MRGPRE: variants seen among roughly 807,000 people sequenced by gnomAD.
MRGPRE encodes the protein mas-related G protein-coupled receptor member E.
For synonymous variants in MRGPRE, 229 were observed against 206.7 expected, an observed-to-expected ratio of 1.11 and a Z score of -0.92; for missense variants, 466 against 433.4, an observed-to-expected ratio of 1.08 and a Z score of -0.67.
chr11:3,230,488 C>G lies in MRGPRE; in HGVS notation c.-61-1628G>C. Among the ~76,000 whole-genome samples the G allele has an allele frequency of 6.6e-6, 1 of 152,066 alleles. No individual in the cohort carries two copies. Among genetic ancestry groups the G allele is most frequent in the Non-Finnish European group, 1.5e-5 (1 of 68,000 alleles). On this transcript the variant is annotated intron_variant, in intron 1 of 1. Transcript: ENST00000389832. This position sits in a 1 kb window ranked among gnomAD's most constrained non-coding sequence, Gnocchi z 5.5. ...TGCTGGGATGCTGGGGAGAGGTGGCCCGGGGCGGGGCTATCGCTGAGCACA... is the reference window on the plus strand; with the variant it reads ...TGCTGGGATGCTGGGGAGAGGTGGCGCGGGGCGGGGCTATCGCTGAGCACA...
rs2134631037 is a variant in MRGPRE, at chr11:3,229,238, T to G, written c.-61-378A>C. On this transcript the variant is annotated intron_variant, in intron 1 of 1. Transcript: ENST00000389832. The surrounding 1 kb of genome is among the most constrained non-coding windows in gnomAD (Gnocchi z 4.4). Reference sequence around the variant, plus strand: ...TTTTTTTTTTTTTTTTTTTTTTTTTTTTTGGAGATGGAGTCTGGCTCTGTT... The same window carrying G: ...TTTTTTTTTTTTTTTTTTTTTTTTTGTTTGGAGATGGAGTCTGGCTCTGTT... Among the ~76,000 whole-genome samples the G allele has an allele frequency of 8.3e-6, 1 of 120,610 alleles. No homozygotes were observed. Among genetic ancestry groups the G allele is most frequent in the Non-Finnish European group, 1.8e-5 (1 of 55,672 alleles). 79.1% of individuals were successfully genotyped at this position (120,610 alleles called of 152,430 possible).
Position 3,227,774 on chromosome 11 carries a change from G to A in MRGPRE, c.*87C>T. On this transcript the variant is annotated 3_prime_UTR_variant, in exon 2 of 2. Transcript: ENST00000389832. ...CCCACCAAGGCCTCCTCCAGGTCCG[G>A]CTGGCCCCAGCCTCTGACCCCACCA... The A allele has an allele frequency of 8.8e-7, 1 of 1,130,022 alleles. No individual in the cohort carries two copies. Among genetic ancestry groups the A allele is most frequent in the East Asian group, 2.6e-5 (1 of 37,756 alleles). 70.0% of individuals were successfully genotyped at this position (1,130,022 alleles called of 1,614,324 possible). A position where few individuals can be genotyped will look rare whatever the true frequency, so the allele number is the denominator to read the frequency against.
chr11:3,229,457 C>T lies in MRGPRE; in HGVS notation c.-61-597G>A, dbSNP rs1176482554. On this transcript the variant is annotated intron_variant, in intron 1 of 1. Coordinates refer to ENST00000389832, the MANE Select transcript of MRGPRE (RefSeq NM_001039165.4). The surrounding 1 kb of genome is among the most constrained non-coding windows in gnomAD (Gnocchi z 4.4). ...GGCCAGGCTGGTCTCGAACTCCTGACCTCGTGATCCGCCTGCCTTGGACTC... is the reference window on the plus strand; with the variant it reads ...GGCCAGGCTGGTCTCGAACTCCTGATCTCGTGATCCGCCTGCCTTGGACTC... 2.0e-5 allele frequency among the ~76,000 whole-genome samples: 3 copies of T among 152,244 alleles called. No homozygotes were observed. The highest frequency in any genetic ancestry group is 4.2e-4 in the South Asian group (2 of 4,814).
Position 3,227,984 on chromosome 11 carries a change from C to T in MRGPRE, c.816G>A (p.Leu272=). The stretch of plus-strand genomic sequence containing the variant: ...GCAGCCTGCGGCCCTGGGCACTGCC[C>T]AGGCAGAAGTAGACGACGGGCTTGG... ...CAAKPVVYFC[L]GSAQGRRLPL... The change falls in exon 2 of 2, where the codon CTG becomes CTA. Residue 272 remains leucine (L), a synonymous_variant. Coordinates refer to ENST00000389832, the MANE Select transcript of MRGPRE (RefSeq NM_001039165.4). 2 of 1,596,974 alleles carry T rather than the reference C, an allele frequency of 1.3e-6. No individual in the cohort carries two copies. Among genetic ancestry groups the T allele is most frequent in the Non-Finnish European group, 8.5e-7 (1 of 1,170,418 alleles).
rs1847802135 is a variant in MRGPRE, at chr11:3,229,211, G to GTTTT, written c.-61-352_-61-351insAAAA. Among the ~76,000 whole-genome samples the GTTTT allele has an allele frequency of 7.5e-6, 1 of 132,660 alleles. No homozygotes were observed. The highest frequency in any genetic ancestry group is 1.6e-5 in the Non-Finnish European group (1 of 64,014). The allele number at this position is 132,660 out of a possible 152,430, so 87.0% of individuals were successfully genotyped here. On this transcript the variant is annotated intron_variant, in intron 1 of 1. Coordinates refer to ENST00000389832, the MANE Select transcript of MRGPRE (RefSeq NM_001039165.4). The surrounding 1 kb of genome is among the most constrained non-coding windows in gnomAD (Gnocchi z 4.4). ...AGTGGTGCCTTGATCCTCAGAATGG[G>GTTTT]CTTTTTTTTTTTTTTTTTTTTTTTT...
chr11:3,229,918 C>T lies in MRGPRE; in HGVS notation c.-61-1058G>A, dbSNP rs778215726. Among the ~76,000 whole-genome samples the T allele has an allele frequency of 6.6e-6, 1 of 152,182 alleles. No homozygotes were observed. The highest frequency in any genetic ancestry group is 1.5e-5 in the Non-Finnish European group (1 of 68,022). Reference sequence around the variant, plus strand: ...TGAGCTTCCATGGCGTCTCCAGCCTCCCTCCATCCCCTCCCAAGGCAGTCG... The same window carrying T: ...TGAGCTTCCATGGCGTCTCCAGCCTTCCTCCATCCCCTCCCAAGGCAGTCG... On this transcript the variant is annotated intron_variant, in intron 1 of 1. Coordinates refer to ENST00000389832, the MANE Select transcript of MRGPRE (RefSeq NM_001039165.4). The surrounding 1 kb of genome is among the most constrained non-coding windows in gnomAD (Gnocchi z 4.4).
In MRGPRE at chr11:3,228,501, G is replaced by T. The variant is rs771276116; in HGVS notation, c.299C>A (p.Ala100Glu). ...DFPGFVQTSL[A>E]TLRFFCYIVG... ...GATGTAGCAGAAGAAGCGCAGCGTT[G>T]CCAGGCTGGTCTGCACGAAGCCCGG... is the stretch of plus-strand genomic sequence containing the variant. Residue 100 changes from alanine (A) to glutamate (E), a missense_variant, in exon 2 of 2, where the codon GCA becomes GAA. Transcript: ENST00000389832. The T allele has an allele frequency of 1.2e-6, 2 of 1,613,562 alleles. No individual in the cohort carries two copies. The highest frequency in any genetic ancestry group is 3.3e-5 in the Admixed American group (2 of 60,010).
rs1847776088 is a variant in MRGPRE, at chr11:3,227,560, A to C, written c.*301T>G. ...AGCTGAGCAGGGAATGGGTAGCAGC[A>C]GCAGCTCTCGAGTGCCAGTGCGTGA... is the stretch of plus-strand genomic sequence containing the variant. On this transcript the variant is annotated 3_prime_UTR_variant, in exon 2 of 2. Transcript: ENST00000389832. The C allele has an allele frequency of 2.9e-6, 1 of 346,794 alleles. No individual in the cohort carries two copies. Among genetic ancestry groups the C allele is most frequent in the East Asian group, 4.3e-5 (1 of 23,228 alleles). 21.5% of individuals were successfully genotyped at this position (346,794 alleles called of 1,614,324 possible). A position where few individuals can be genotyped will look rare whatever the true frequency, so the allele number is the denominator to read the frequency against.
Position 3,228,404 on chromosome 11 carries a change from C to T in MRGPRE, c.396G>A (p.Ser132=), listed in dbSNP as rs557112615. 2.8e-4 allele frequency: 452 copies of T among 1,603,938 alleles called. 7 individuals are homozygous for T. Among genetic ancestry groups the T allele is most frequent in the Admixed American group, 1.1e-3 (63 of 59,440 alleles). Residue 132 remains serine, a synonymous_variant, in exon 2 of 2, where the codon TCG becomes TCA. Transcript: ENST00000389832. ...CLAALFPAWY[S]CRRPRHLTTC... is the part of the protein sequence containing the mutation. Reference sequence around the variant, plus strand: ...TGGTCAGGTGGCGTGGGCGGCGGCACGAGTACCAGGCTGGGAAGAGGGCGG... The same window carrying T: ...TGGTCAGGTGGCGTGGGCGGCGGCATGAGTACCAGGCTGGGAAGAGGGCGG...
chr11:3,228,716 C>T lies in MRGPRE; in HGVS notation c.84G>A (p.Leu28=). Residue 28 remains leucine (L), a synonymous_variant, in exon 2 of 2, where the codon CTG becomes CTA. Coordinates refer to ENST00000389832, the MANE Select transcript of MRGPRE (RefSeq NM_001039165.4). ...CGAGGCCGAGCCCCTCGGTGAGGGA[C>T]AGGATGATGAGGTTGAAGGCCACAT... ...QEDVAFNLII[L]SLTEGLGLGG... 1.2e-6 allele frequency: 2 copies of T among 1,613,934 alleles called. No individual in the cohort carries two copies. Among genetic ancestry groups the T allele is most frequent in the South Asian group, 1.1e-5 (1 of 91,056 alleles).
Position 3,228,823 on chromosome 11 carries a change from G to A in MRGPRE, c.-24C>T, listed in dbSNP as rs761279401. 8.3e-6 allele frequency: 13 copies of A among 1,572,598 alleles called. No individual in the cohort carries two copies. On this transcript the variant is annotated 5_prime_UTR_variant, in exon 2 of 2. Coordinates refer to ENST00000389832, the MANE Select transcript of MRGPRE (RefSeq NM_001039165.4). Reference sequence around the variant, plus strand: ...ATGGGGCGGGGGGCCAGGGGATGCTGCAGGAGTGTGTTCTGCTCGCTCTCT... The same window carrying A: ...ATGGGGCGGGGGGCCAGGGGATGCTACAGGAGTGTGTTCTGCTCGCTCTCT...
At position 3,225,844 on chromosome 11, in the gene MRGPRE, C is replaced by T. The variant is rs1303796574; in HGVS notation, c.*2017G>A. 6.6e-6 allele frequency among the ~76,000 whole-genome samples: 1 copy of T among 152,236 alleles called. No individual in the cohort carries two copies. The highest frequency in any genetic ancestry group is 6.5e-5 in the Admixed American group (1 of 15,290). ...GGGCTAATAAGGAGGAATCTAGAGCCACTCCAATCCCCTGGATGCTGAGAG... is the reference window on the plus strand; with the variant it reads ...GGGCTAATAAGGAGGAATCTAGAGCTACTCCAATCCCCTGGATGCTGAGAG... On this transcript the variant is annotated 3_prime_UTR_variant, in exon 2 of 2. Coordinates refer to ENST00000389832, the MANE Select transcript of MRGPRE (RefSeq NM_001039165.4).
chr11:3,228,864 T>C lies in MRGPRE; in HGVS notation c.-61-4A>G, dbSNP rs2134630673. The C allele has an allele frequency of 1.5e-6, 2 of 1,325,802 alleles. No homozygotes were observed. The highest frequency in any genetic ancestry group is 2.4e-5 in the East Asian group (1 of 40,994). 82.1% of individuals were successfully genotyped at this position (1,325,802 alleles called of 1,614,324 possible). ...CTCGCTCTCTCTCCTGATGCCCCTG[T>C]AAACCACAACAGTTGAGTCTGGGGC... On this transcript the variant is annotated splice_region_variant and splice_polypyrimidine_tract_variant and intron_variant, in intron 1 of 1. Transcript: ENST00000389832.
rs185187526 is a variant in MRGPRE at position 3,231,779 on chromosome 11, G to A, written c.-62+362C>T. Among the ~76,000 whole-genome samples, 75 of 151,870 alleles carry A rather than the reference G, an allele frequency of 4.9e-4. 1 individual carries two copies. The East Asian group carries it at 9.5e-3, about 19-fold the overall frequency. ...GCTGAGCACCCAGGTGTGGCAGGGA[G>A]GAGAGGGCCTATCCCCGGCTGCCCC... On this transcript the variant is annotated intron_variant, in intron 1 of 1. Coordinates refer to ENST00000389832, the MANE Select transcript of MRGPRE (RefSeq NM_001039165.4). The surrounding 1 kb of genome is among the most constrained non-coding windows in gnomAD (Gnocchi z 4.7).
In MRGPRE at chr11:3,229,567, G is replaced by A. The variant is rs116815197; in HGVS notation, c.-61-707C>T. Among the ~76,000 whole-genome samples the A allele has an allele frequency of 4.9e-3, 741 of 152,306 alleles. 8 individuals are homozygous for A. Among genetic ancestry groups the A allele is most frequent in the African/African-American group, 0.016 (651 of 41,558 alleles). On this transcript the variant is annotated intron_variant, in intron 1 of 1. Transcript: ENST00000389832. This position sits in a 1 kb window ranked among gnomAD's most constrained non-coding sequence, Gnocchi z 4.4. ...GTCTAATGAGTGGTGTGACCACAGAGGGACAGCTTACAGTGGCTGTGGGGC... is the reference window on the plus strand; with the variant it reads ...GTCTAATGAGTGGTGTGACCACAGAAGGACAGCTTACAGTGGCTGTGGGGC...
chr11:3,231,716 G>C lies in MRGPRE; in HGVS notation c.-62+425C>G, dbSNP rs986349431. 4.6e-5 allele frequency among the ~76,000 whole-genome samples: 7 copies of C among 152,146 alleles called. No homozygotes were observed. Among genetic ancestry groups the C allele is most frequent in the African/African-American group, 1.7e-4 (7 of 41,518 alleles). On this transcript the variant is annotated intron_variant, in intron 1 of 1. Transcript: ENST00000389832. The surrounding 1 kb of genome is among the most constrained non-coding windows in gnomAD (Gnocchi z 4.7). ...CCCTGGGTGGTCCAGGAGTGGCTCT[G>C]TGTCCCGCCCAGACAGCCAATACTG...
Position 3,229,295 on chromosome 11 carries a change from G to A in MRGPRE, c.-61-435C>T, listed in dbSNP as rs1847804569. On this transcript the variant is annotated intron_variant, in intron 1 of 1. Coordinates refer to ENST00000389832, the MANE Select transcript of MRGPRE (RefSeq NM_001039165.4). The surrounding 1 kb of genome is among the most constrained non-coding windows in gnomAD (Gnocchi z 4.4). ...GGCTAGAGTGCAATGGCACCATCTC[G>A]GCTCACTGCAACCTCTGCCTCCCGG... 7.0e-6 allele frequency among the ~76,000 whole-genome samples: 1 copy of A among 143,398 alleles called. No homozygotes were observed. Among genetic ancestry groups the A allele is most frequent in the Non-Finnish European group, 1.5e-5 (1 of 67,100 alleles). 94.1% of individuals were successfully genotyped at this position (143,398 alleles called of 152,430 possible).
At position 3,227,693 on chromosome 11, in the gene MRGPRE, G is replaced by T; in HGVS notation, c.*168C>A. 1.9e-6 allele frequency: 1 copy of T among 530,038 alleles called. No individual in the cohort carries two copies. The highest frequency in any genetic ancestry group is 3.1e-5 in the East Asian group (1 of 32,586). 32.8% of individuals were successfully genotyped at this position (530,038 alleles called of 1,614,324 possible). A position where few individuals can be genotyped will look rare whatever the true frequency, so the allele number is the denominator to read the frequency against. ...CCTTGCCTTTCCAGCTGCCTCCCAGGGGAGCCTCATGCTCCAGACCAAGGG... is the reference window on the plus strand; with the variant it reads ...CCTTGCCTTTCCAGCTGCCTCCCAGTGGAGCCTCATGCTCCAGACCAAGGG... On this transcript the variant is annotated 3_prime_UTR_variant, in exon 2 of 2. Coordinates refer to ENST00000389832, the MANE Select transcript of MRGPRE (RefSeq NM_001039165.4).
rs935345094 is a variant in MRGPRE at position 3,227,323 on chromosome 11, G to A, written c.*538C>T. 6.6e-6 allele frequency among the ~76,000 whole-genome samples: 1 copy of A among 152,154 alleles called. No individual in the cohort carries two copies. The highest frequency in any genetic ancestry group is 1.5e-5 in the Non-Finnish European group (1 of 68,024). ...GGCTGATGATCAAGGACGGGGAGGGGGTCAAGTTTTGGGCAGTCTTCCATT... is the reference window on the plus strand; with the variant it reads ...GGCTGATGATCAAGGACGGGGAGGGAGTCAAGTTTTGGGCAGTCTTCCATT... On this transcript the variant is annotated 3_prime_UTR_variant, in exon 2 of 2. Coordinates refer to ENST00000389832, the MANE Select transcript of MRGPRE (RefSeq NM_001039165.4).
Sources: allele counts gnomAD v4.1 joint callset (sites outside exome capture counted in the v4.1 genomes callset), GRCh38; gene constraint gnomAD v4.1.1; non-coding constraint Gnocchi (gnomAD v3.1); transcripts MANE v1.5; gene names NCBI Gene and HGNC (gene_info 2026-07-23, HGNC 2026-07-21).